NUP214: variants seen among roughly 807,000 people sequenced by gnomAD.
NUP214 encodes nucleoporin 214.
In NUP214, 79 loss-of-function variants were observed where a neutral mutation model predicts 196.2. The ratio of observed to expected loss-of-function variants is 0.40; its 90% CI spans 0.34 to 0.49. The LOEUF is 0.49. Ranked by LOEUF, NUP214 falls within the 20% of genes least tolerant of loss-of-function variation. The probability of loss-of-function intolerance (pLI) is 0.58; values close to 1 mark genes in which losing one functional copy is unlikely to be tolerated. For synonymous variants in NUP214, 1,020 were observed against 990.5 expected (o/e 1.03, Z -0.56); for missense variants, 2,468 against 2,539.0 (o/e 0.97, Z 0.60).
rs745317034 is a variant in NUP214 at position 131,232,729 on chromosome 9, A to G, written c.6239+421A>G. ...TTTCATGGCGTTAAAATTCAGTCTT[A>G]GCCAGGTGGGTGGTTCACGCCTATA... is the stretch of plus-strand genomic sequence containing the variant. On this transcript the variant is annotated intron_variant, in intron 35 of 35. Coordinates refer to ENST00000359428, the MANE Select transcript of NUP214 (RefSeq NM_005085.4). The surrounding 1 kb of genome is among the most constrained non-coding windows in gnomAD (Gnocchi z 5.1). 2.3e-4 allele frequency: 59 copies of G among 252,440 alleles called. No individual in the cohort carries two copies. The highest frequency in any genetic ancestry group is 4.3e-4 in the Non-Finnish European group (55 of 128,026). 15.6% of individuals were successfully genotyped at this position (252,440 alleles called of 1,614,324 possible). A position where few individuals can be genotyped will look rare whatever the true frequency, so the allele number is the denominator to read the frequency against.
rs949634549 is a variant in NUP214 at position 131,125,956 on chromosome 9, G to C, written c.45+207G>C. The C allele has an allele frequency of 8.1e-6, 5 of 620,248 alleles. No individual in the cohort carries two copies. The highest frequency in any genetic ancestry group is 1.4e-5 in the Non-Finnish European group (5 of 357,274). The allele number at this position is 620,248 out of a possible 1,614,324, so 38.4% of individuals were successfully genotyped here. A position where few individuals can be genotyped will look rare whatever the true frequency, so the allele number is the denominator to read the frequency against. On this transcript the variant is annotated intron_variant, in intron 1 of 35. Coordinates refer to ENST00000359428, the MANE Select transcript of NUP214 (RefSeq NM_005085.4). The surrounding 1 kb of genome is among the most constrained non-coding windows in gnomAD (Gnocchi z 4.1). Reference sequence around the variant, plus strand: ...CCAGTCCCATCCTGGTCTCGTGCACGGCTGTTGAGTTACCCTAGCTACTTC... The same window carrying C: ...CCAGTCCCATCCTGGTCTCGTGCACCGCTGTTGAGTTACCCTAGCTACTTC...
intron 21 of NUP214, among the ~76,000 whole-genome samples, chr9:131,173,355 C>CTTTTTTTT (rs10706351): frequency 2.6e-5 from 1 of 38,164 alleles, no homozygotes; most frequent in Non-Finnish European, 4.7e-5. Context: ...TGCACCCAGC[C>CTTTTTTTT]TTTTTTTTTT....
chr9:131,141,393 C>G (rs1028567760), intron 11 of NUP214, among the ~76,000 whole-genome samples: 1 of 151,786 alleles, frequency 6.6e-6, no homozygotes, highest in Non-Finnish European at 1.5e-5. Context: ...TACCTATCCT[C>G]CATGAAAATG....
chr9:131,130,137 G>GTTTTGTTTTTTTTTTTTTTTTT (rs1564176236), intron 4 of NUP214, among the ~76,000 whole-genome samples: 6 of 76,894 alleles, frequency 7.8e-5, no homozygotes, highest in African/African-American at 1.0e-4. Flanking sequence ...TTCTGGTTTT[G>GTTTTGTTTTTTTTTTTTTTTTT]TTTTTTTTTT....
At chr9:131,180,869 C>T (rs1833257589) in intron 24 of NUP214, among the ~76,000 whole-genome samples, 2 of 152,160 alleles carry the variant, frequency 1.3e-5, no homozygotes, top group African/African-American at 4.8e-5. Flanking sequence ...ACTTAATGAG[C>T]ATTTGTTGTA....
In NUP214 at chr9:131,232,221, G is replaced by T; in HGVS notation, c.6215-63G>T. On this transcript the variant is annotated intron_variant, in intron 34 of 35. Coordinates refer to ENST00000359428, the MANE Select transcript of NUP214 (RefSeq NM_005085.4). This position sits in a 1 kb window ranked among gnomAD's most constrained non-coding sequence, Gnocchi z 5.1. ...ACAGAGGAGGGCAGACACTTAGCAT[G>T]GGGACCACCTTTGTCTTTCGAGTGG... 1 of 1,585,110 alleles carries T rather than the reference G, an allele frequency of 6.3e-7. No homozygotes were observed.
chr9:131,145,509 T>G (rs1345994267), intron 12 of NUP214, among the ~76,000 whole-genome samples: 1 of 152,198 alleles, frequency 6.6e-6, no homozygotes, highest in Non-Finnish European at 1.5e-5. Flanking sequence ...TTACTGTTAA[T>G]ACTGAATTGG....
intron 27 of NUP214, among the ~76,000 whole-genome samples, chr9:131,193,629 C>CTTTTTTTTT (rs71389402): frequency 0.031 from 860 of 28,194 alleles, 269 homozygotes; most frequent in Non-Finnish European, 0.04. Flanking sequence ...TCTTCCTTTT[C>CTTTTTTTTT]TTTTTTTTTT....
intron 26 of NUP214, 79 bp from the exon 27 acceptor site, chr9:131,192,129 A>C: frequency 6.3e-6 from 6 of 946,848 alleles, no homozygotes; most frequent in Non-Finnish European, 1.5e-6. Flanking sequence ...GCTACAGGGA[A>C]TTATACACTG....
intron 11 of NUP214, among the ~76,000 whole-genome samples, chr9:131,141,478 C>CTTT (rs3057295): frequency 0.2 from 24,160 of 118,506 alleles, 2,635 homozygotes; most frequent in East Asian, 0.35. Flanking sequence ...TGAAAAGAAA[C>CTTT]TTTTTTTTTT....
intron 14 of NUP214, chr9:131,150,064 T>C: frequency 3.1e-6 from 1 of 318,318 alleles, no homozygotes; most frequent in Non-Finnish European, 5.9e-6. Flanking sequence ...TTATCAGATG[T>C]GTTTATATTT....
At chr9:131,173,248 G>A (rs1833007448) in intron 21 of NUP214, among the ~76,000 whole-genome samples, 1 of 152,068 alleles carries the variant, frequency 6.6e-6, no homozygotes, top group African/African-American at 2.4e-5. Context: ...AGTAGAGATG[G>A]GGTTTCACCA....
At chr9:131,176,193 T>A (rs1189644987) in intron 23 of NUP214, among the ~76,000 whole-genome samples, 1 of 152,196 alleles carries the variant, frequency 6.6e-6, no homozygotes, top group African/African-American at 2.4e-5. Flanking sequence ...AATGACCATT[T>A]TGTGTTTGAG....
chr9:131,135,033 C>T (rs777852778), intron 8 of NUP214, 29 bp downstream of exon 8: 27 of 1,430,710 alleles, frequency 1.9e-5, no homozygotes, highest in Non-Finnish European at 2.5e-5. Context: ...CAGGGCATTC[C>T]TGCTCTCACT....
intron 32 of NUP214, among the ~76,000 whole-genome samples, chr9:131,224,791 A>G (rs1834678015): frequency 6.6e-6 from 1 of 152,232 alleles, no homozygotes; most frequent in African/African-American, 2.4e-5. Flanking sequence ...ATTGTTTAAA[A>G]ATGAAAGGGC....
chr9:131,167,853 C>T (rs1164796113), intron 21 of NUP214, among the ~76,000 whole-genome samples: 1 of 151,888 alleles, frequency 6.6e-6, no homozygotes, highest in Admixed American at 6.6e-5. Flanking sequence ...CCTTTTTGTC[C>T]TCTTAATTAT....
At position 131,233,907 on chromosome 9, in the gene NUP214, T is replaced by C; in HGVS notation, c.*420T>C. On this transcript the variant is annotated 3_prime_UTR_variant, in exon 36 of 36. Transcript: ENST00000359428. ...AGCGCCCTCCACATAGGGAAGAGGT[T>C]GAATGCTGGTGGGTCATCTTTTTGA... The C allele has an allele frequency of 3.5e-6, 1 of 284,118 alleles. No homozygotes were observed. The highest frequency in any genetic ancestry group is 6.8e-6 in the Non-Finnish European group (1 of 147,938). The allele number at this position is 284,118 out of a possible 1,614,324, so 17.6% of individuals were successfully genotyped here. A position where few individuals can be genotyped will look rare whatever the true frequency, so the allele number is the denominator to read the frequency against.
rs1834895717 is a variant in NUP214 at position 131,232,126 on chromosome 9, G to A, written c.6215-158G>A. Among the ~76,000 whole-genome samples the A allele has an allele frequency of 6.6e-6, 1 of 152,080 alleles. No individual in the cohort carries two copies. Among genetic ancestry groups the A allele is most frequent in the Non-Finnish European group, 1.5e-5 (1 of 67,998 alleles). ...CTCCAGAGGACAAACTCAGAATAAA[G>A]GGGCTTCTGTGTGTACCTTTCCTGC... On this transcript the variant is annotated intron_variant, in intron 34 of 35. Coordinates refer to ENST00000359428, the MANE Select transcript of NUP214 (RefSeq NM_005085.4). This position sits in a 1 kb window ranked among gnomAD's most constrained non-coding sequence, Gnocchi z 5.1.
At chr9:131,166,032 G>C (rs1832779470) in intron 21 of NUP214, among the ~76,000 whole-genome samples, 1 of 152,096 alleles carries the variant, frequency 6.6e-6, no homozygotes. Context: ...GGAGATGGAT[G>C]GTGGTGATGA....
Sources: gnomAD v4.1 joint callset for allele counts (sites outside exome capture counted in the v4.1 genomes callset) on GRCh38, gnomAD v4.1.1 for gene constraint, Gnocchi (gnomAD v3.1) non-coding constraint, MANE v1.5 for transcripts, NCBI Gene and HGNC (gene_info 2026-07-23, HGNC 2026-07-21) for gene names.